The following ADGRL3 variants were observed in gnomAD, a reference collection of about 807,000 sequenced individuals.
ADGRL3 encodes calcium-independent alpha-latrotoxin receptor 3.
A neutral mutation model predicts 153.5 loss-of-function variants in ADGRL3; 62 were observed. That is an observed-to-expected ratio of 0.40 (90% CI 0.33 to 0.50). ADGRL3 has a LOEUF of 0.50. Ranked by LOEUF, ADGRL3 falls within the 20% of genes least tolerant of loss-of-function variation. The pLI is 0.47. For missense variants in ADGRL3, 1,641 were observed against 1,859.4 expected, an observed-to-expected ratio of 0.88 and a Z score of 2.16; for synonymous variants, 710 against 672.5, an observed-to-expected ratio of 1.06 and a Z score of -0.86.
At chr4:61,645,762 T>A (rs2093948176) in intron 5 of ADGRL3, among the ~76,000 whole-genome samples, 1 of 152,018 alleles carries the variant, frequency 6.6e-6, no homozygotes, top group Non-Finnish European at 1.5e-5. Context: ...CAATTATGTG[T>A]CTTGGAGTTG....
intron 1 of ADGRL3, among the ~76,000 whole-genome samples, chr4:61,218,848 A>G (rs1477382706): frequency 1.3e-5 from 2 of 152,228 alleles, no homozygotes; most frequent in African/African-American, 4.8e-5. Flanking sequence ...AGTAAGTAGT[A>G]GTCCAGAATT....
chr4:61,678,206 A>G (rs904483519), intron 6 of ADGRL3, among the ~76,000 whole-genome samples: 10 of 152,030 alleles, frequency 6.6e-5, no homozygotes, highest in African/African-American at 2.4e-4. Context: ...AATTGGGACA[A>G]TTATACTTGG....
intron 2 of ADGRL3, among the ~76,000 whole-genome samples, chr4:61,454,821 T>C (rs1303254402): frequency 6.6e-6 from 1 of 152,046 alleles, no homozygotes; most frequent in Admixed American, 6.6e-5. Flanking sequence ...GGAAGATAGA[T>C]TTTTTTTCCT....
chr4:61,614,556 A>T (rs1460725393), intron 5 of ADGRL3, among the ~76,000 whole-genome samples: 3 of 152,198 alleles, frequency 2.0e-5, no homozygotes, highest in Non-Finnish European at 4.4e-5. Flanking sequence ...TTAGCATAGT[A>T]ATCACCCTAC....
chr4:61,968,693 G>T (rs751705128), intron 17 of ADGRL3, among the ~76,000 whole-genome samples: 1 of 152,044 alleles, frequency 6.6e-6, no homozygotes, highest in Non-Finnish European at 1.5e-5. Context: ...TTATAAAACC[G>T]CAATATCATA....
chr4:61,971,321 C>T (rs1402443676), intron 17 of ADGRL3, among the ~76,000 whole-genome samples: 1 of 152,022 alleles, frequency 6.6e-6, no homozygotes, highest in Non-Finnish European at 1.5e-5. Context: ...CACCACCCCA[C>T]AACAGTCCCC....
At chr4:61,432,634 C>T (rs866306323) in intron 2 of ADGRL3, among the ~76,000 whole-genome samples, 74 of 32,534 alleles carry the variant, frequency 2.3e-3, no homozygotes, top group Middle Eastern at 0.017. Flanking sequence ...TTCTTTCTTT[C>T]TTTCTTTCTT....
chr4:61,432,944 C>T (rs370731297), intron 2 of ADGRL3, among the ~76,000 whole-genome samples: 1 of 151,820 alleles, frequency 6.6e-6, no homozygotes, highest in African/African-American at 2.4e-5. Flanking sequence ...TGAGCCACTG[C>T]GCCAGGCCAC....
chr4:61,561,607 T>C (rs1257704742), intron 4 of ADGRL3, among the ~76,000 whole-genome samples: 1 of 151,986 alleles, frequency 6.6e-6, no homozygotes, highest in Admixed American at 6.5e-5. Flanking sequence ...AGCCTTATGC[T>C]AAGTGAATAT....
At chr4:61,739,331 G>A (rs1446642068) in intron 8 of ADGRL3, among the ~76,000 whole-genome samples, 1 of 150,414 alleles carries the variant, frequency 6.6e-6, no homozygotes, top group Non-Finnish European at 1.5e-5. Flanking sequence ...ATTGGAGACA[G>A]AGTCTCACTG....
chr4:61,869,298 C>T (rs901912555), intron 9 of ADGRL3, among the ~76,000 whole-genome samples: 3 of 152,028 alleles, frequency 2.0e-5, no homozygotes, highest in Non-Finnish European at 4.4e-5. Flanking sequence ...GTAGCAAGTA[C>T]TGAGAGATTT....
intron 1 of ADGRL3, among the ~76,000 whole-genome samples, chr4:61,236,359 A>C (rs1553883036): frequency 6.6e-6 from 1 of 152,040 alleles, no homozygotes; most frequent in Non-Finnish European, 1.5e-5. Context: ...CTCTTTGTAA[A>C]GTGATCACAG....
intron 17 of ADGRL3, among the ~76,000 whole-genome samples, chr4:61,958,551 C>A (rs1366497432): frequency 6.6e-6 from 1 of 152,004 alleles, no homozygotes; most frequent in Non-Finnish European, 1.5e-5. Flanking sequence ...GTTTCACATG[C>A]CTGGGGAGGC....
At chr4:61,899,517 C>A (rs114904837) in intron 11 of ADGRL3, among the ~76,000 whole-genome samples, 1,816 of 152,096 alleles carry the variant, frequency 0.012, 32 homozygotes, top group African/African-American at 0.042. Context: ...TGAAAAAAAA[C>A]CACAATATAC....
intron 8 of ADGRL3, among the ~76,000 whole-genome samples, chr4:61,746,912 T>G (rs1308471585): frequency 6.6e-6 from 1 of 151,934 alleles, no homozygotes; most frequent in East Asian, 1.9e-4. Flanking sequence ...AATTAATGAA[T>G]CCAGGAGCTG....
At chr4:61,691,849 A>G (rs1478593547) in intron 6 of ADGRL3, among the ~76,000 whole-genome samples, 1 of 152,100 alleles carries the variant, frequency 6.6e-6, no homozygotes, top group African/African-American at 2.4e-5. Flanking sequence ...TAGACTGTAG[A>G]CTTTTACAGA....
intron 2 of ADGRL3, among the ~76,000 whole-genome samples, chr4:61,468,891 G>GA (rs1176383193): frequency 6.6e-6 from 1 of 152,008 alleles, no homozygotes; most frequent in Non-Finnish European, 1.5e-5. Context: ...AAGTAACAGG[G>GA]AAAATGAAAG....
chr4:61,730,376 G>A (rs2096418797), intron 6 of ADGRL3, among the ~76,000 whole-genome samples: 1 of 151,676 alleles, frequency 6.6e-6, no homozygotes, highest in African/African-American at 2.4e-5. Flanking sequence ...TTTAATCATA[G>A]TTTGATTAAT....
At chr4:61,707,166 T>C (rs1461914945) in intron 6 of ADGRL3, among the ~76,000 whole-genome samples, 4 of 152,176 alleles carry the variant, frequency 2.6e-5, no homozygotes, top group Admixed American at 2.0e-4. Context: ...TATATAGGCA[T>C]GGTTCGTGGT....
Sources: gnomAD v4.1 joint callset for allele counts (sites outside exome capture counted in the v4.1 genomes callset) on GRCh38, gnomAD v4.1.1 for gene constraint, MANE v1.5 for transcripts, NCBI Gene and HGNC (gene_info 2026-07-23, HGNC 2026-07-21) for gene names.